KSR2: variants seen among roughly 807,000 people sequenced by gnomAD.
The protein encoded by KSR2 is kinase suppressor of ras 2.
KSR2 carries 25 observed loss-of-function variants against 107.8 expected under a neutral mutation model. The ratio of observed to expected loss-of-function variants is 0.23; its 90% CI spans 0.17 to 0.32. The LOEUF (loss-of-function observed/expected upper bound fraction) is 0.32, where lower values mean the gene tolerates loss of function less well. Ranked by LOEUF, KSR2 falls within the 10% of genes least tolerant of loss-of-function variation. The pLI is 1.00. For missense variants in KSR2, 887 were observed against 1,268.9 expected (o/e 0.70, Z 4.57); for synonymous variants, 480 against 507.0 (o/e 0.95, Z 0.71).
intron 3 of KSR2, among the ~76,000 whole-genome samples, chr12:117,854,638 C>T (rs888580980): frequency 2.0e-5 from 3 of 152,192 alleles, no homozygotes; most frequent in African/African-American, 7.2e-5. Context: ...TGGCCACTAA[C>T]ACTTCTCCGT....
At chr12:117,516,131 G>C (rs1341791049) in intron 14 of KSR2, among the ~76,000 whole-genome samples, 1 of 151,984 alleles carries the variant, frequency 6.6e-6, no homozygotes, top group South Asian at 2.1e-4. Context: ...AGGTGGTCTG[G>C]GCTTCATCCT....
At chr12:117,528,674 A>C (rs1386667776) in intron 12 of KSR2, among the ~76,000 whole-genome samples, 1 of 152,228 alleles carries the variant, frequency 6.6e-6, no homozygotes. Flanking sequence ...AACCTGCACG[A>C]TGACAGCTGA....
chr12:117,877,909 TCAGA>T (rs1410765972), intron 1 of KSR2, among the ~76,000 whole-genome samples: 1 of 152,108 alleles, frequency 6.6e-6, no homozygotes, highest in Non-Finnish European at 1.5e-5. Context: ...CCCAGATAGC[TCAGA>T]CAGAGGCAGA....
intron 1 of KSR2, among the ~76,000 whole-genome samples, chr12:117,965,031 G>C (rs888376464): frequency 3.3e-5 from 5 of 152,188 alleles, no homozygotes; most frequent in Non-Finnish European, 5.9e-5. Flanking sequence ...AGCCGATCCT[G>C]GTGGTGGTCC....
chr12:117,714,718 G>T (rs1886912686), intron 4 of KSR2, among the ~76,000 whole-genome samples: 1 of 152,118 alleles, frequency 6.6e-6, no homozygotes, highest in African/African-American at 2.4e-5. Flanking sequence ...GGACAAATTT[G>T]TCCTCTAGGG....
intron 7 of KSR2, among the ~76,000 whole-genome samples, chr12:117,561,161 T>G (rs1347717144): frequency 6.6e-6 from 1 of 152,186 alleles, no homozygotes; most frequent in Non-Finnish European, 1.5e-5. Context: ...AGAGTGGATA[T>G]GTAATTATGA....
In KSR2 at chr12:117,476,464, C is replaced by G. The variant is rs374283821; in HGVS notation, c.2582G>C (p.Gly861Ala). The change falls in exon 17 of 20, where the codon GGC becomes GCC. Residue 861 changes from glycine (G) to alanine (A), a missense_variant and splice_region_variant. Gly to Ala is a moderately conservative substitution (Grantham distance 60). Around this residue, in one of 8 missense-constraint regions of KSR2, gnomAD observed 308 missense variants for 506.2 expected, o/e 0.61. Coordinates refer to ENST00000339824, the MANE Select transcript of KSR2 (RefSeq NM_173598.6). The stretch of plus-strand genomic sequence containing the variant: ...AATGGCCAGGGCAGGGCCCACTTAC[C>G]CAAGGGCAAAGACGTCAGAGTGCTT... ...FSKHSDVFAL[G>A]TIWYELHARE... 1.3e-6 allele frequency: 2 copies of G among 1,596,198 alleles called. No homozygotes were observed. Among genetic ancestry groups the G allele is most frequent in the Non-Finnish European group, 1.7e-6 (2 of 1,171,268 alleles).
chr12:117,699,520 G>C (rs1053432802), intron 4 of KSR2, among the ~76,000 whole-genome samples: 1 of 152,176 alleles, frequency 6.6e-6, no homozygotes, highest in Non-Finnish European at 1.5e-5. Flanking sequence ...AGTACAGCAT[G>C]TTACTGTACT....
chr12:117,720,518 G>A (rs1387419724), intron 4 of KSR2, among the ~76,000 whole-genome samples: 3 of 152,198 alleles, frequency 2.0e-5, no homozygotes, highest in Admixed American at 6.5e-5. Context: ...AGGCAAGATC[G>A]ATAAAAGTCC....
chr12:117,899,007 G>T (rs1394806836), intron 1 of KSR2, among the ~76,000 whole-genome samples: 1 of 152,152 alleles, frequency 6.6e-6, no homozygotes, highest in East Asian at 1.9e-4. Flanking sequence ...TTTATTTAAA[G>T]TCCCTCCCTC....
chr12:117,642,411 T>C (rs2136408407), intron 5 of KSR2, among the ~76,000 whole-genome samples: 1 of 152,320 alleles, frequency 6.6e-6, no homozygotes, highest in South Asian at 2.1e-4. Context: ...ATAGTTTCTA[T>C]ATATTTTCAA....
rs1186225990 is a variant in KSR2, at chr12:117,563,787, A to T, written c.1326-5214T>A. On this transcript the variant is annotated intron_variant, in intron 7 of 19. Coordinates refer to ENST00000339824, the MANE Select transcript of KSR2 (RefSeq NM_173598.6). ...GATGGATATTCCAGCCCCCTCTCTC[A>T]TGGGTGGCATGACCCAGAGGCATGC... Among the ~76,000 whole-genome samples, 4 of 151,810 alleles carry T rather than the reference A, an allele frequency of 2.6e-5. No individual in the cohort carries two copies. The East Asian group carries it at 7.7e-4, about 29-fold the overall frequency.
At chr12:117,675,626 GC>G (rs975062971) in intron 4 of KSR2, among the ~76,000 whole-genome samples, 11 of 152,206 alleles carry the variant, frequency 7.2e-5, no homozygotes, top group African/African-American at 2.7e-4. Flanking sequence ...TTTAGTCTTT[GC>G]ACCATTTCCT....
At chr12:117,572,129 AC>A (rs1318144137) in intron 7 of KSR2, among the ~76,000 whole-genome samples, 4 of 152,144 alleles carry the variant, frequency 2.6e-5, no homozygotes, top group Admixed American at 2.6e-4. Context: ...AAGGCCTTTA[AC>A]GTCCCAGTCC....
chr12:117,859,850 T>C (rs928620924), intron 2 of KSR2, among the ~76,000 whole-genome samples: 1 of 152,252 alleles, frequency 6.6e-6, no homozygotes, highest in African/African-American at 2.4e-5. Flanking sequence ...GATGGTAATA[T>C]TAATGCTCTA....
intron 4 of KSR2, among the ~76,000 whole-genome samples, chr12:117,691,957 A>G (rs1885831435): frequency 6.6e-6 from 1 of 152,232 alleles, no homozygotes; most frequent in Admixed American, 6.5e-5. Flanking sequence ...AGCTGCTTGC[A>G]CAAGGGCACA....
At chr12:117,962,362 C>T (rs1266372204) in intron 1 of KSR2, among the ~76,000 whole-genome samples, 4 of 152,130 alleles carry the variant, frequency 2.6e-5, no homozygotes, top group South Asian at 2.1e-4. Flanking sequence ...CCCCTCTCAT[C>T]TATCCTACAG....
At chr12:117,573,328 T>C (rs845753) in intron 7 of KSR2, among the ~76,000 whole-genome samples, 127,799 of 151,942 alleles carry the variant, frequency 0.84, 53,971 homozygotes, top group Middle Eastern at 0.89. Context: ...AGGATGAACA[T>C]GTCATTGAAC....
intron 16 of KSR2, among the ~76,000 whole-genome samples, chr12:117,483,901 C>T (rs1466206731): frequency 6.6e-6 from 1 of 152,202 alleles, no homozygotes; most frequent in Non-Finnish European, 1.5e-5. Context: ...AACAAACCTA[C>T]CACTTTTCTT....
Sources: gnomAD v4.1 joint callset for allele counts (sites outside exome capture counted in the v4.1 genomes callset) on GRCh38, gnomAD v4.1.1 for gene constraint, gnomAD v4.1.1 regional missense constraint, MANE v1.5 for transcripts, NCBI Gene and HGNC (gene_info 2026-07-23, HGNC 2026-07-21) for gene names.